Variants in MSRA observed in about 807,000 individuals in gnomAD.
MSRA encodes the protein methionine sulfoxide reductase A, also known as mitochondrial peptide methionine sulfoxide reductase.
MSRA carries 54 observed loss-of-function variants against 31.3 expected under a neutral mutation model. That is an observed-to-expected ratio of 1.73 (90% CI 1.39 to 2.17). The LOEUF is 2.17. MSRA is among the 30% of genes most tolerant of loss of function. MSRA has a pLI of 0.00. For missense variants in MSRA, 507 were observed against 300.9 expected (o/e 1.69, Z -5.07); for synonymous variants, 169 against 116.5 (o/e 1.45, Z -2.90).
chr8:10,335,977 C>G (rs953123956), intron 5 of MSRA, among the ~76,000 whole-genome samples: 3 of 152,174 alleles, frequency 2.0e-5, no homozygotes, highest in Non-Finnish European at 4.4e-5. Context: ...TCTGTGCATG[C>G]TCTTTCCATT....
At chr8:10,328,027 ATTTTTTTTTT>A (rs35940076) in intron 5 of MSRA, among the ~76,000 whole-genome samples, 1 of 65,310 alleles carries the variant, frequency 1.5e-5, no homozygotes, top group African/African-American at 7.1e-5. Context: ...CTCTATGGTA[ATTTTTTTTTT>A]TTTTTTTTTT....
intron 3 of MSRA, among the ~76,000 whole-genome samples, chr8:10,260,659 T>C (rs1798431179): frequency 6.6e-6 from 1 of 151,934 alleles, no homozygotes; most frequent in South Asian, 2.1e-4. Flanking sequence ...CAGGTGCCCC[T>C]GATGTGAAAG....
chr8:10,410,303 G>GA (rs1808077731), intron 5 of MSRA, among the ~76,000 whole-genome samples: 1 of 152,178 alleles, frequency 6.6e-6, no homozygotes, highest in Non-Finnish European at 1.5e-5. Flanking sequence ...GGTGGCCTGT[G>GA]AAAAACCCAA....
In MSRA at chr8:10,110,340, T is replaced by C. The variant is rs1020733622; in HGVS notation, c.142+55682T>C. Reference sequence around the variant, plus strand: ...TGGATATTTTCAAGAGTGTGGATTATCCAGATTTGTGGCTTGTTCTCCAGC... The same window carrying C: ...TGGATATTTTCAAGAGTGTGGATTACCCAGATTTGTGGCTTGTTCTCCAGC... On this transcript the variant is annotated intron_variant, in intron 1 of 5. Transcript: ENST00000317173. Among the ~76,000 whole-genome samples, 18 of 152,348 alleles carry C rather than the reference T, an allele frequency of 1.2e-4. 1 individual carries two copies. In the East Asian group the frequency reaches 1.7e-3, roughly 15 times the overall value.
intron 1 of MSRA, among the ~76,000 whole-genome samples, chr8:10,191,722 T>G (rs1348613753): frequency 6.6e-6 from 1 of 152,164 alleles, no homozygotes; most frequent in East Asian, 1.9e-4. Flanking sequence ...ACTGGAAATA[T>G]ATTGTTCCTG....
At chr8:10,268,178 T>C (rs116498989) in intron 3 of MSRA, among the ~76,000 whole-genome samples, 1,760 of 152,278 alleles carry the variant, frequency 0.012, 44 homozygotes, top group African/African-American at 0.039. Flanking sequence ...ATTCATAACC[T>C]GGTGGAGGAG....
intron 4 of MSRA, among the ~76,000 whole-genome samples, chr8:10,309,874 C>A (rs565251938): frequency 1.3e-5 from 2 of 152,264 alleles, no homozygotes; most frequent in African/African-American, 4.8e-5. Context: ...TGGGATAGGT[C>A]CACTCCGTGT....
intron 1 of MSRA, among the ~76,000 whole-genome samples, chr8:10,202,826 T>A (rs1459981262): frequency 6.6e-6 from 1 of 152,152 alleles, no homozygotes; most frequent in East Asian, 1.9e-4. Flanking sequence ...TAAGTACAAA[T>A]GAGGAAACTT....
At chr8:10,295,060 T>G (rs1232999868) in intron 3 of MSRA, among the ~76,000 whole-genome samples, 1 of 152,160 alleles carries the variant, frequency 6.6e-6, no homozygotes, top group Non-Finnish European at 1.5e-5. Context: ...TAGCAGGCAC[T>G]CCTGGGCGGC....
chr8:10,250,433 C>G, intron 3 of MSRA: 1 of 702,402 alleles, frequency 1.4e-6, no homozygotes, highest in Non-Finnish European at 2.6e-6. Flanking sequence ...ATGTTCAGAA[C>G]AATTCCATGT....
intron 5 of MSRA, among the ~76,000 whole-genome samples, chr8:10,357,730 A>G (rs1290540972): frequency 6.6e-6 from 1 of 152,184 alleles, no homozygotes; most frequent in Non-Finnish European, 1.5e-5. Context: ...GCTTATTGCT[A>G]TTGGTTTGGT....
intron 1 of MSRA, among the ~76,000 whole-genome samples, chr8:10,157,667 A>T (rs921756829): frequency 6.6e-6 from 1 of 152,080 alleles, no homozygotes; most frequent in Non-Finnish European, 1.5e-5. Flanking sequence ...ATCAAATATG[A>T]GAGTCAGAGT....
chr8:10,087,631 C>T (rs1359172276), intron 1 of MSRA, among the ~76,000 whole-genome samples: 4 of 152,122 alleles, frequency 2.6e-5, no homozygotes, highest in African/African-American at 9.7e-5. Context: ...CTAGGTAGGT[C>T]TGTTCTTGAT....
intron 1 of MSRA, among the ~76,000 whole-genome samples, chr8:10,192,594 C>G (rs1807604706): frequency 6.6e-6 from 1 of 152,214 alleles, no homozygotes; most frequent in Non-Finnish European, 1.5e-5. Flanking sequence ...ATGAGTAGCA[C>G]AATGTGGAGA....
chr8:10,068,885 A>G (rs184650773), intron 1 of MSRA, among the ~76,000 whole-genome samples: 1 of 152,230 alleles, frequency 6.6e-6, no homozygotes, highest in East Asian at 1.9e-4. Context: ...AAGAACTGAC[A>G]TCTTGAAAAT....
At chr8:10,401,224 C>A (rs1031845429) in intron 5 of MSRA, among the ~76,000 whole-genome samples, 1 of 151,908 alleles carries the variant, frequency 6.6e-6, no homozygotes, top group Admixed American at 6.6e-5. Flanking sequence ...AGAAAGTAAC[C>A]CCCTTGAAAA....
In MSRA at chr8:10,329,325, C is replaced by T. The variant is rs570567524; in HGVS notation, c.543+9336C>T. ...GGGGCTCCAGGGAAGAATCCCTCCC[C>T]GGATCTTCCAGCGTCTGGTGGGTGC... On this transcript the variant is annotated intron_variant, in intron 5 of 5. Coordinates refer to ENST00000317173, the MANE Select transcript of MSRA (RefSeq NM_012331.5). Among the ~76,000 whole-genome samples, 12 of 152,300 alleles carry T rather than the reference C, an allele frequency of 7.9e-5. No individual in the cohort carries two copies. The East Asian group carries it at 1.4e-3, about 17-fold the overall frequency.
intron 5 of MSRA, among the ~76,000 whole-genome samples, chr8:10,343,178 T>G (rs1308665723): frequency 6.6e-6 from 1 of 152,180 alleles, no homozygotes; most frequent in Non-Finnish European, 1.5e-5. Flanking sequence ...TTGGTCTCAA[T>G]TGTTCCTTTT....
intron 1 of MSRA, among the ~76,000 whole-genome samples, chr8:10,201,183 CCCT>C (rs1808466433): frequency 1.3e-5 from 2 of 152,078 alleles, no homozygotes; most frequent in African/African-American, 4.8e-5. Context: ...CCCACCGTGA[CCCT>C]CCTCTCTGCT....
Sources: gnomAD v4.1 joint callset for allele counts (sites outside exome capture counted in the v4.1 genomes callset) on GRCh38, gnomAD v4.1.1 for gene constraint, MANE v1.5 for transcripts, NCBI Gene and HGNC (gene_info 2026-07-23, HGNC 2026-07-21) for gene names.